The following HOMER1 variants were observed in gnomAD, a reference collection of about 807,000 sequenced individuals.
The protein encoded by HOMER1 is homer scaffold protein 1.
A neutral mutation model predicts 48.9 loss-of-function variants in HOMER1; 3 were observed. That is an observed-to-expected ratio of 0.06 (90% CI 0.03 to 0.16). HOMER1 has a LOEUF of 0.16. HOMER1 is among the 10% of genes least tolerant of loss of function. HOMER1 has a pLI of 1.00. For missense variants in HOMER1, 247 were observed against 411.4 expected (o/e 0.60, Z 3.46); for synonymous variants, 134 against 146.4 (o/e 0.92, Z 0.61).
chr5:79,395,962 T>C (rs1187909010), intron 8 of HOMER1, among the ~76,000 whole-genome samples: 1 of 152,166 alleles, frequency 6.6e-6, no homozygotes, highest in Admixed American at 6.5e-5. Flanking sequence ...GTCCCTCTTA[T>C]TATGCCTTAT....
intron 1 of HOMER1, among the ~76,000 whole-genome samples, chr5:79,482,245 A>G (rs889897111): frequency 6.6e-6 from 1 of 152,106 alleles, no homozygotes; most frequent in Non-Finnish European, 1.5e-5. Context: ...AATAGAATAC[A>G]AAAATAGCAC....
intron 1 of HOMER1, among the ~76,000 whole-genome samples, chr5:79,509,987 A>G (rs1437635124): frequency 4.6e-5 from 7 of 152,334 alleles, no homozygotes; most frequent in African/African-American, 1.7e-4. Context: ...TTTAAAAGCC[A>G]TTTAAAGCCC....
intron 1 of HOMER1, among the ~76,000 whole-genome samples, chr5:79,499,036 A>G (rs1261221679): frequency 1.3e-5 from 2 of 151,954 alleles, no homozygotes; most frequent in Non-Finnish European, 2.9e-5. Context: ...GGGTTTCACT[A>G]TGTTGGCCAG....
At chr5:79,502,310 G>A (rs1044707918) in intron 1 of HOMER1, among the ~76,000 whole-genome samples, 24 of 151,928 alleles carry the variant, frequency 1.6e-4, no homozygotes, top group African/African-American at 5.1e-4. Flanking sequence ...GAGCCACCGC[G>A]CCCAGCCAGT....
intron 5 of HOMER1, among the ~76,000 whole-genome samples, chr5:79,405,721 G>C (rs968027293): frequency 2.6e-5 from 4 of 152,160 alleles, no homozygotes; most frequent in African/African-American, 9.7e-5. Flanking sequence ...TAAATGAAAA[G>C]TAAAGGTATT....
At position 79,490,686 on chromosome 5, in the gene HOMER1, C is replaced by T. The variant is rs144623712; in HGVS notation, c.5+22084G>A. On this transcript the variant is annotated intron_variant, in intron 1 of 8. Coordinates refer to ENST00000334082, the MANE Select transcript of HOMER1 (RefSeq NM_004272.5). ...GTGGCTCATGTCTGTAATCCCAGCA[C>T]TTTGGAAAGCCAAGGTGGAGGGATC... is the stretch of plus-strand genomic sequence containing the variant. Among the ~76,000 whole-genome samples the T allele has an allele frequency of 9.1e-4, 137 of 150,788 alleles. 1 individual carries two copies. The highest frequency in any genetic ancestry group is 3.0e-3 in the African/African-American group (121 of 40,898).
At chr5:79,463,644 G>GC (rs927197988) in intron 1 of HOMER1, among the ~76,000 whole-genome samples, 9 of 152,088 alleles carry the variant, frequency 5.9e-5, no homozygotes, top group Non-Finnish European at 1.3e-4. Context: ...GCACTAACAT[G>GC]CCCCCCCAAT....
chr5:79,459,741 A>AT, intron 1 of HOMER1, among the ~76,000 whole-genome samples: 1 of 152,346 alleles, frequency 6.6e-6, no homozygotes, highest in African/African-American at 2.4e-5. Context: ...TAAAAACAAA[A>AT]TGCTCTTCAC....
intron 1 of HOMER1, among the ~76,000 whole-genome samples, chr5:79,490,400 ATATT>A (rs1470185888): frequency 1.3e-5 from 2 of 152,212 alleles, no homozygotes; most frequent in East Asian, 1.9e-4. Flanking sequence ...ACCAAATCAG[ATATT>A]TAAATACTTT....
intron 1 of HOMER1, among the ~76,000 whole-genome samples, chr5:79,470,373 T>C (rs954285770): frequency 8.5e-5 from 13 of 152,214 alleles, no homozygotes; most frequent in African/African-American, 2.4e-5. Context: ...CTTGTCACAA[T>C]GTAAGATGCA....
chr5:79,458,173 T>C (rs1185367088), intron 1 of HOMER1, among the ~76,000 whole-genome samples: 1 of 152,130 alleles, frequency 6.6e-6, no homozygotes, highest in African/African-American at 2.4e-5. Context: ...TACAGAATTC[T>C]TTACAGTATG....
chr5:79,507,447 A>C (rs914941226), intron 1 of HOMER1, among the ~76,000 whole-genome samples: 1 of 152,122 alleles, frequency 6.6e-6, no homozygotes, highest in Non-Finnish European at 1.5e-5. Flanking sequence ...AAAAACAAAC[A>C]GAAATATTAG....
intron 5 of HOMER1, among the ~76,000 whole-genome samples, chr5:79,436,102 C>T (rs369935769): frequency 1.3e-4 from 19 of 150,120 alleles, no homozygotes; most frequent in African/African-American, 3.4e-4. Flanking sequence ...GTCCGCAGTC[C>T]GGCCTGGGCG....
intron 1 of HOMER1, among the ~76,000 whole-genome samples, chr5:79,469,678 T>A (rs1751567881): frequency 6.6e-6 from 1 of 152,040 alleles, no homozygotes; most frequent in Admixed American, 6.6e-5. Context: ...CTTTTTTTTT[T>A]ATTTTTAAGA....
At chr5:79,481,074 A>G (rs1751931632) in intron 1 of HOMER1, among the ~76,000 whole-genome samples, 1 of 152,208 alleles carries the variant, frequency 6.6e-6, no homozygotes. Context: ...ACACATTTAC[A>G]TTTCATACTT....
chr5:79,461,403 C>T (rs753359856), intron 1 of HOMER1, among the ~76,000 whole-genome samples: 1 of 152,168 alleles, frequency 6.6e-6, no homozygotes, highest in Non-Finnish European at 1.5e-5. Flanking sequence ...CACACAAATA[C>T]TAACTGGATC....
Position 79,375,859 on chromosome 5 carries a change from C to A in HOMER1, c.*150G>T. ...ATTCTAAAATTTACAGTGAAATATACAATTCCAATTTCAAAAGATCCTCCT... is the reference window on the plus strand; with the variant it reads ...ATTCTAAAATTTACAGTGAAATATAAAATTCCAATTTCAAAAGATCCTCCT... On this transcript the variant is annotated 3_prime_UTR_variant, in exon 9 of 9. Transcript: ENST00000334082. 2.2e-6 allele frequency: 1 copy of A among 459,656 alleles called. No homozygotes were observed. Among genetic ancestry groups the A allele is most frequent in the Non-Finnish European group, 3.7e-6 (1 of 270,480 alleles). 28.5% of individuals were successfully genotyped at this position (459,656 alleles called of 1,614,324 possible). A position where few individuals can be genotyped will look rare whatever the true frequency, so the allele number is the denominator to read the frequency against.
intron 4 of HOMER1, among the ~76,000 whole-genome samples, chr5:79,443,057 T>C (rs979506467): frequency 3.3e-5 from 5 of 152,170 alleles, no homozygotes; most frequent in Admixed American, 3.3e-4. Context: ...TTACTCTGCT[T>C]GAATATTTTG....
At chr5:79,408,597 CAT>C (rs764415023) in intron 5 of HOMER1, among the ~76,000 whole-genome samples, 23 of 152,198 alleles carry the variant, frequency 1.5e-4, no homozygotes, top group Non-Finnish European at 2.6e-4. Context: ...ACCCATATCT[CAT>C]AGTCTATACG....
Sources: gnomAD v4.1 joint callset for allele counts (sites outside exome capture counted in the v4.1 genomes callset) on GRCh38, gnomAD v4.1.1 for gene constraint, MANE v1.5 for transcripts, NCBI Gene and HGNC (gene_info 2026-07-23, HGNC 2026-07-21) for gene names.